The following VSTM4 variants were observed in gnomAD, a reference collection of about 807,000 sequenced individuals.
VSTM4 encodes the protein V-set and transmembrane domain containing 4.
VSTM4 carries 20 observed loss-of-function variants against 36.4 expected under a neutral mutation model. The observed-to-expected ratio is 0.55, with a 90% confidence interval of 0.39 to 0.80. The LOEUF (loss-of-function observed/expected upper bound fraction) is 0.80. Ranked by LOEUF, VSTM4 falls within the 30% of genes least tolerant of loss-of-function variation. VSTM4 has a pLI of 0.00. For synonymous variants in VSTM4, 182 were observed against 173.9 expected, an observed-to-expected ratio of 1.05 and a Z score of -0.37; for missense variants, 392 against 404.5, an observed-to-expected ratio of 0.97 and a Z score of 0.26.
chr10:49,086,935 G>C (rs977529097), intron 2 of VSTM4, among the ~76,000 whole-genome samples: 5 of 152,190 alleles, frequency 3.3e-5, no homozygotes, highest in Non-Finnish European at 5.9e-5. Flanking sequence ...AGAGAATCTA[G>C]GACCAGAATT....
At chr10:49,065,773 T>C (rs1161774728) in intron 4 of VSTM4, among the ~76,000 whole-genome samples, 2 of 152,188 alleles carry the variant, frequency 1.3e-5, no homozygotes, top group Admixed American at 1.3e-4. Context: ...TGAGAGCAGA[T>C]AATAGTTGCT....
rs1843137786 is a variant in VSTM4 at position 49,018,772 on chromosome 10, C to G, written c.*878G>C. 6.6e-6 allele frequency: 1 copy of G among 152,252 alleles called. No homozygotes were observed. The highest frequency in any genetic ancestry group is 6.5e-5 in the Admixed American group (1 of 15,294). The allele number at this position is 152,252 out of a possible 1,614,324, so 9.4% of individuals were successfully genotyped here. ...TTTCCAGCTTGGCGTGTACTTCCCA[C>G]TCTCCTACCCTGAGGGCACCTGGCA... On this transcript the variant is annotated 3_prime_UTR_variant, in exon 8 of 8. Coordinates refer to ENST00000332853, the MANE Select transcript of VSTM4 (RefSeq NM_001031746.5).
At chr10:49,106,393 A>C (rs189919387) in intron 2 of VSTM4, among the ~76,000 whole-genome samples, 46 of 152,374 alleles carry the variant, frequency 3.0e-4, no homozygotes, top group African/African-American at 1.1e-3. Context: ...AGTGCATAAT[A>C]GGAAGTCTTA....
At chr10:49,073,168 C>T (rs1164669692) in intron 4 of VSTM4, among the ~76,000 whole-genome samples, 1 of 152,200 alleles carries the variant, frequency 6.6e-6, no homozygotes, top group African/African-American at 2.4e-5. Flanking sequence ...CATGGATCTA[C>T]AGATCCATGC....
At chr10:49,110,731 G>T (rs1844878501) in intron 1 of VSTM4, among the ~76,000 whole-genome samples, 1 of 152,144 alleles carries the variant, frequency 6.6e-6, no homozygotes, top group East Asian at 1.9e-4. Flanking sequence ...ACCCTGTGAA[G>T]ACACAGGGAG....
At chr10:49,051,839 G>T (rs1564574455) in intron 5 of VSTM4, among the ~76,000 whole-genome samples, 1 of 152,120 alleles carries the variant, frequency 6.6e-6, no homozygotes, top group Non-Finnish European at 1.5e-5. Context: ...TCCATGTGCA[G>T]TTTTTTTGTG....
At chr10:49,059,183 C>T (rs1228592032) in intron 5 of VSTM4, among the ~76,000 whole-genome samples, 1 of 152,192 alleles carries the variant, frequency 6.6e-6, no homozygotes, top group Non-Finnish European at 1.5e-5. Flanking sequence ...GAGCTGACTA[C>T]CAGGTTTATG....
rs1332072926 is a variant in VSTM4, at chr10:49,107,667, T to C, written c.384A>G (p.Arg128=). Residue 128 remains arginine (R), a synonymous_variant, in exon 2 of 8, where the codon AGA becomes AGG. Transcript: ENST00000332853. Reference sequence around the variant, plus strand: ...TCCTGTGCCTGCTGATTTCCTGGACTCTGCAGACGTAATGCCCTTGATCGG... The same window carrying C: ...TCCTGTGCCTGCTGATTTCCTGGACCCTGCAGACGTAATGCCCTTGATCGG... ...QPSDQGHYVC[R]VQEISRHRNK... is the part of the protein sequence containing the mutation. 6.2e-7 allele frequency: 1 copy of C among 1,614,066 alleles called. No individual in the cohort carries two copies. Among genetic ancestry groups the C allele is most frequent in the African/African-American group, 1.3e-5 (1 of 74,946 alleles).
At chr10:49,027,597 G>A (rs575309464) in intron 7 of VSTM4, among the ~76,000 whole-genome samples, 1 of 152,254 alleles carries the variant, frequency 6.6e-6, no homozygotes, top group African/African-American at 2.4e-5. Context: ...CCCCTCTGCA[G>A]TCCCACCTTC....
At chr10:49,110,025 GCTGAC>G (rs1844863581) in intron 1 of VSTM4, among the ~76,000 whole-genome samples, 1 of 152,222 alleles carries the variant, frequency 6.6e-6, no homozygotes, top group Non-Finnish European at 1.5e-5. Context: ...GGGGACACTG[GCTGAC>G]CCAGCTCCAA....
intron 2 of VSTM4, among the ~76,000 whole-genome samples, chr10:49,104,589 G>A (rs1844730062): frequency 6.6e-6 from 1 of 152,202 alleles, no homozygotes; most frequent in African/African-American, 2.4e-5. Flanking sequence ...GAATGTTCTA[G>A]AAGATATGGT....
chr10:49,020,895 T>G (rs1237269082), intron 7 of VSTM4, among the ~76,000 whole-genome samples: 1 of 152,096 alleles, frequency 6.6e-6, no homozygotes, highest in African/African-American at 2.4e-5. Context: ...TTCAAGTTTA[T>G]TCTATTCCAG....
chr10:49,084,659 A>G (rs540147988), intron 3 of VSTM4, among the ~76,000 whole-genome samples: 2 of 152,340 alleles, frequency 1.3e-5, no homozygotes, highest in Non-Finnish European at 2.9e-5. Context: ...TTCCTCATCA[A>G]TAAATGTTGT....
At chr10:49,076,141 T>C (rs887042382) in intron 4 of VSTM4, among the ~76,000 whole-genome samples, 22 of 152,186 alleles carry the variant, frequency 1.4e-4, no homozygotes, top group Admixed American at 7.2e-4. Flanking sequence ...GCATTAATGC[T>C]GCACAGAGTC....
At chr10:49,062,226 C>T (rs1192745357) in intron 5 of VSTM4, among the ~76,000 whole-genome samples, 4 of 152,152 alleles carry the variant, frequency 2.6e-5, no homozygotes, top group South Asian at 2.1e-4. Context: ...TTAAAACTCA[C>T]GACTATTCAT....
chr10:49,071,743 G>T (rs1433040974), intron 4 of VSTM4, among the ~76,000 whole-genome samples: 1 of 152,212 alleles, frequency 6.6e-6, no homozygotes, highest in African/African-American at 2.4e-5. Context: ...AGGTGCTGGA[G>T]AGCAGGTGCC....
intron 7 of VSTM4, among the ~76,000 whole-genome samples, chr10:49,045,311 G>A (rs907259998): frequency 4.6e-5 from 7 of 151,228 alleles, no homozygotes; most frequent in Admixed American, 3.3e-4. Flanking sequence ...AAATATCCAC[G>A]GATCCATACT....
chr10:49,049,998 A>G (rs1391572383), intron 5 of VSTM4, among the ~76,000 whole-genome samples: 5 of 152,242 alleles, frequency 3.3e-5, no homozygotes, highest in African/African-American at 4.8e-5. Flanking sequence ...TGTGTGCATA[A>G]GATCAGTTAT....
At chr10:49,099,143 T>TAC (rs1844623589) in intron 2 of VSTM4, among the ~76,000 whole-genome samples, 1 of 152,214 alleles carries the variant, frequency 6.6e-6, no homozygotes, top group African/African-American at 2.4e-5. Flanking sequence ...GTGTAGTACC[T>TAC]ACGACACAAT....
Sources: gnomAD v4.1 joint callset for allele counts (sites outside exome capture counted in the v4.1 genomes callset) on GRCh38, gnomAD v4.1.1 for gene constraint, MANE v1.5 for transcripts, NCBI Gene and HGNC (gene_info 2026-07-23, HGNC 2026-07-21) for gene names.